Variants in A2ML1 observed in about 807,000 individuals in gnomAD.
The protein encoded by A2ML1 is alpha-2-macroglobulin like 1, also known as alpha-2-macroglobulin-like protein 1.
A2ML1 carries 161 observed loss-of-function variants against 181.9 expected under a neutral mutation model. The ratio of observed to expected loss-of-function variants is 0.89; its 90% CI spans 0.78 to 1.01. The LOEUF (loss-of-function observed/expected upper bound fraction) is 1.01. A2ML1 is among the 50% of genes least tolerant of loss of function. The pLI is 0.00. For missense variants in A2ML1, 1,670 were observed against 1,768.1 expected (o/e 0.94, Z 1.00); for synonymous variants, 663 against 666.8 (o/e 0.99, Z 0.09).
At chr12:8,850,299 T>A in intron 18 of A2ML1, 25 bp downstream of exon 18, 1 of 1,573,014 alleles carries the variant, frequency 6.4e-7, no homozygotes, top group Non-Finnish European at 8.7e-7. Flanking sequence ...AAAAGTACAG[T>A]AAAGGGCCAG....
chr12:8,858,318 C>G (rs929008238), intron 26 of A2ML1: 7 of 505,104 alleles, frequency 1.4e-5, no homozygotes, highest in Non-Finnish European at 2.3e-5. Flanking sequence ...TGCAGTGGCT[C>G]ATGCCTGTAA....
chr12:8,851,873 G>T lies in A2ML1; in HGVS notation c.2324G>T (p.Gly775Val). 6.2e-7 allele frequency: 1 copy of T among 1,614,188 alleles called. No homozygotes were observed. Among genetic ancestry groups the T allele is most frequent in the Non-Finnish European group, 8.5e-7 (1 of 1,180,038 alleles). ...AGTTTCTGCACTTCCCAGTCAAGAG[G>T]CTTCGGGCTTTCACCCACTGTTGGA... ...AMSFCTSQSR[G>V]FGLSPTVGLT... Residue 775 changes from glycine to valine, a missense_variant, in exon 19 of 36, where the codon GGC (glycine) becomes GTC (valine). Coordinates refer to ENST00000299698, the MANE Select transcript of A2ML1 (RefSeq NM_144670.6).
rs776897682 is a variant in A2ML1 at position 8,829,832 on chromosome 12, A to G, written c.462+53A>G. On this transcript the variant is annotated intron_variant, in intron 4 of 35. Transcript: ENST00000299698. ...CGCAGGGAGAACAGGGAAAAGGATG[A>G]GAGATTCTCTAGGGTGGAAGTCCTC... The G allele has an allele frequency of 1.9e-6, 3 of 1,608,706 alleles. No individual in the cohort carries two copies. The Admixed American group carries it at 5.0e-5, about 27-fold the overall frequency.
rs1276853777 is a variant in A2ML1, at chr12:8,835,024, C to T, written c.483+342C>T. 4 of 339,014 alleles carry T rather than the reference C, an allele frequency of 1.2e-5. No homozygotes were observed. The Admixed American group carries it at 1.8e-4, about 15-fold the overall frequency. 21.0% of individuals were successfully genotyped at this position (339,014 alleles called of 1,614,324 possible). ...TAGCCCTTGCCATAGGCATTCTCAACAGGTACGTGATAACATAAACACCTG... is the reference window on the plus strand; with the variant it reads ...TAGCCCTTGCCATAGGCATTCTCAATAGGTACGTGATAACATAAACACCTG... On this transcript the variant is annotated intron_variant, in intron 5 of 35. Coordinates refer to ENST00000299698, the MANE Select transcript of A2ML1 (RefSeq NM_144670.6).
At chr12:8,842,404 A>G (rs1943517430) in intron 11 of A2ML1, among the ~76,000 whole-genome samples, 1 of 151,590 alleles carries the variant, frequency 6.6e-6, no homozygotes, top group Non-Finnish European at 1.5e-5. Flanking sequence ...ATTTTTTAGT[A>G]GAGATGGGGT....
At chr12:8,872,769 G>A (rs772647396) in intron 33 of A2ML1, among the ~76,000 whole-genome samples, 14 of 145,998 alleles carry the variant, frequency 9.6e-5, no homozygotes, top group Non-Finnish European at 1.9e-4. Context: ...GGGCAACAGA[G>A]TGAGACTCCA....
In A2ML1 at chr12:8,863,823, A is replaced by G; in HGVS notation, c.3532A>G (p.Thr1178Ala). 6.2e-7 allele frequency: 1 copy of G among 1,614,188 alleles called. No individual in the cohort carries two copies. The highest frequency in any genetic ancestry group is 8.5e-7 in the Non-Finnish European group (1 of 1,180,022). ...GESIYWSQKP[T>A]PSSNASPWSE... ...ATCCATTTACTGGAGCCAGAAACCT[A>G]CTCCATCATCGAACGCCAGCCCTTG... The change falls in exon 29 of 36, where the codon ACT (threonine) becomes GCT (alanine). Residue 1178 changes from threonine to alanine, a missense_variant. Physicochemically the swap from Thr to Ala is moderately conservative, Grantham distance 58 (BLOSUM62 0). Transcript: ENST00000299698.
intron 3 of A2ML1, among the ~76,000 whole-genome samples, chr12:8,828,599 G>A (rs945435710): frequency 1.3e-5 from 2 of 152,124 alleles, no homozygotes; most frequent in African/African-American, 4.8e-5. Flanking sequence ...GTACCCCACT[G>A]TGGCTGAGCT....
intron 29 of A2ML1, 44 bp from the exon 30 acceptor site, chr12:8,867,798 A>G (rs765015160): frequency 4.1e-5 from 64 of 1,563,810 alleles, no homozygotes; most frequent in Non-Finnish European, 5.4e-5. Context: ...GTTAATTCCA[A>G]TGGCTCACAA....
intron 7 of A2ML1, among the ~76,000 whole-genome samples, chr12:8,836,685 T>A (rs1042881548): frequency 6.6e-6 from 1 of 152,098 alleles, no homozygotes. Flanking sequence ...GATTTCGCCG[T>A]GTTGGCCAGG....
rs1301334242 is a variant in A2ML1, at chr12:8,857,319, G to A, written c.3004G>A (p.Ala1002Thr). Reference protein sequence around the residue: ...GLLTEEIRSRAVGFLEIGYQK... With the variant: ...GLLTEEIRSRTVGFLEIGYQK... ...GCTGACGGAGGAGATCAGGTCTCGG[G>A]CAGTGGGTTTCCTGGAAATAGGTAA... is the stretch of plus-strand genomic sequence containing the variant. The change falls in exon 24 of 36, where the codon GCA becomes ACA. Residue 1002 changes from alanine to threonine, a missense_variant. Transcript: ENST00000299698. 1.2e-6 allele frequency: 2 copies of A among 1,613,924 alleles called. No individual in the cohort carries two copies. Among genetic ancestry groups the A allele is most frequent in the African/African-American group, 2.7e-5 (2 of 74,912 alleles).
intron 33 of A2ML1, among the ~76,000 whole-genome samples, chr12:8,870,513 C>T (rs1191902121): frequency 6.6e-6 from 1 of 152,212 alleles, no homozygotes; most frequent in Non-Finnish European, 1.5e-5. Context: ...GTGATCCACC[C>T]ACCTCGGCCT....
chr12:8,847,293 T>C lies in A2ML1; in HGVS notation c.1684-256T>C, dbSNP rs11047567. ...ATACTGGGAAGCCACATGTTCTATATAGTTATTCCACATGTTCTCTCTACT... is the reference window on the plus strand; with the variant it reads ...ATACTGGGAAGCCACATGTTCTATACAGTTATTCCACATGTTCTCTCTACT... On this transcript the variant is annotated intron_variant, in intron 14 of 35. Coordinates refer to ENST00000299698, the MANE Select transcript of A2ML1 (RefSeq NM_144670.6). Among the ~76,000 whole-genome samples, 242 of 149,958 alleles carry C rather than the reference T, an allele frequency of 1.6e-3. 4 individuals carry two copies. The East Asian group carries it at 0.043, about 27-fold the overall frequency.
chr12:8,868,004 G>A lies in A2ML1; in HGVS notation c.3880G>A (p.Val1294Ile), dbSNP rs61746590. ...ATTTCAGCAGGATACCCTGCCCAATGTCCCTGGAATGTACACGTTGGAGGC... is the reference window on the plus strand; with the variant it reads ...ATTTCAGCAGGATACCCTGCCCAATATCCCTGGAATGTACACGTTGGAGGC... ...LVFQQDTLPN[V>I]PGMYTLEASG... The change falls in exon 30 of 36, where the codon GTC (valine) becomes ATC (isoleucine). Residue 1294 changes from valine (V) to isoleucine (I), a missense_variant. By Grantham distance (29) the Val-to-Ile change is conservative (BLOSUM62 3). Coordinates refer to ENST00000299698, the MANE Select transcript of A2ML1 (RefSeq NM_144670.6). 1,572 of 1,614,238 alleles carry A rather than the reference G, an allele frequency of 9.7e-4. 10 individuals carry two copies. The African/African-American group carries it at 0.019, about 20-fold the overall frequency.
chr12:8,848,398 G>A (rs866828935), intron 15 of A2ML1, among the ~76,000 whole-genome samples: 4 of 151,240 alleles, frequency 2.6e-5, no homozygotes, highest in South Asian at 2.1e-4. Context: ...GGAGAATTGC[G>A]TGAACCCGGG....
At chr12:8,855,760 T>A (rs1307191568) in intron 23 of A2ML1, among the ~76,000 whole-genome samples, 168 bp downstream of exon 23, 3 of 152,072 alleles carry the variant, frequency 2.0e-5, no homozygotes, top group African/African-American at 7.2e-5. Context: ...TAGGCAACAG[T>A]ACAGATGGGA....
downstream of A2ML1, among the ~76,000 whole-genome samples, chr12:8,879,586 A>G (rs1036035251): frequency 2.0e-5 from 3 of 152,150 alleles, no homozygotes; most frequent in Admixed American, 2.0e-4. Flanking sequence ...CACTTACCAG[A>G]GCATCCCCTC....
In A2ML1 at chr12:8,835,500, T is replaced by C. The variant is rs760521673; in HGVS notation, c.484-7T>C. 1 of 1,614,030 alleles carries C rather than the reference T, an allele frequency of 6.2e-7. No homozygotes were observed. The highest frequency in any genetic ancestry group is 8.5e-7 in the Non-Finnish European group (1 of 1,179,934). On this transcript the variant is annotated splice_region_variant and splice_polypyrimidine_tract_variant and intron_variant, in intron 5 of 35. Transcript: ENST00000299698. ...CAGGCACATCATGCAGTTTCTCTAT[T>C]GGACAGGATCCAAATAGCAACAGGA...
intron 23 of A2ML1, among the ~76,000 whole-genome samples, chr12:8,855,810 G>A (rs748966567): frequency 2.2e-4 from 33 of 152,188 alleles, no homozygotes; most frequent in Admixed American, 8.5e-4. Context: ...GAGAGTCAGG[G>A]TAGGAAGAAG....
Sources: gnomAD v4.1 joint callset for allele counts (sites outside exome capture counted in the v4.1 genomes callset) on GRCh38, gnomAD v4.1.1 for gene constraint, MANE v1.5 for transcripts, NCBI Gene and HGNC (gene_info 2026-07-23, HGNC 2026-07-21) for gene names.